ADAMTS20: variants seen among roughly 807,000 people sequenced by gnomAD.
ADAMTS20 encodes ADAM metallopeptidase with thrombospondin type 1 motif 20.
ADAMTS20 carries 225 observed loss-of-function variants against 260.1 expected under a neutral mutation model. The ratio of observed to expected loss-of-function variants is 0.87; its 90% CI spans 0.78 to 0.97. The LOEUF (loss-of-function observed/expected upper bound fraction) is 0.97, where lower values mean the gene tolerates loss of function less well. ADAMTS20 is among the 50% of genes least tolerant of loss of function. The pLI is 0.00. For missense variants in ADAMTS20, 2,400 were observed against 2,337.7 expected (o/e 1.03, Z -0.55); for synonymous variants, 802 against 769.5 (o/e 1.04, Z -0.70).
rs1397580962 is a variant in ADAMTS20, at chr12:43,454,016, C to G, written c.1651G>C (p.Glu551Gln). The G allele has an allele frequency of 1.9e-6, 3 of 1,613,660 alleles. No individual in the cohort carries two copies. The South Asian group carries it at 3.3e-5, about 18-fold the overall frequency. ...RHGLCVNKET[E>Q]TRPVNGEWGP... is the part of the protein sequence containing the mutation. ...CATTCACCATTTACAGGACGTGTTT[C>G]CGTTTCTTTGTTTACACATAGCCCA... is the stretch of plus-strand genomic sequence containing the variant. Residue 551 changes from glutamate (E) to glutamine (Q), a missense_variant, in exon 12 of 39, where the codon GAA becomes CAA. Physicochemically the swap from Glu to Gln is conservative, Grantham distance 29. Coordinates refer to ENST00000389420, the MANE Select transcript of ADAMTS20 (RefSeq NM_025003.5).
At chr12:43,403,964 G>A (rs1276181907) in intron 28 of ADAMTS20, among the ~76,000 whole-genome samples, 4 of 151,838 alleles carry the variant, frequency 2.6e-5, no homozygotes, top group African/African-American at 9.7e-5. Flanking sequence ...TCATCCCCAC[G>A]TATTTTTCAG....
intron 38 of ADAMTS20, among the ~76,000 whole-genome samples, chr12:43,354,652 A>G (rs1939706271): frequency 6.6e-6 from 1 of 152,172 alleles, no homozygotes; most frequent in Non-Finnish European, 1.5e-5. Context: ...ACCTCTCCCA[A>G]TTTGCAATCC....
In ADAMTS20 at chr12:43,500,412, T is replaced by C. The variant is rs1380097785; in HGVS notation, c.867+1740A>G. Among the ~76,000 whole-genome samples, 4 of 152,212 alleles carry C rather than the reference T, an allele frequency of 2.6e-5. No individual in the cohort carries two copies. In the East Asian group the frequency reaches 7.7e-4, roughly 29 times the overall value. ...ATTGTTCCATATAATTGATACAATC[T>C]TGTACATATCAACTGACATCCTCCA... On this transcript the variant is annotated intron_variant, in intron 4 of 38. Coordinates refer to ENST00000389420, the MANE Select transcript of ADAMTS20 (RefSeq NM_025003.5).
At chr12:43,507,122 A>C (rs924973556) in intron 3 of ADAMTS20, among the ~76,000 whole-genome samples, 4 of 152,208 alleles carry the variant, frequency 2.6e-5, no homozygotes, top group African/African-American at 7.2e-5. Context: ...ACACACATAC[A>C]AATTGGTAAC....
intron 3 of ADAMTS20, among the ~76,000 whole-genome samples, chr12:43,509,175 T>C (rs138328531): frequency 6.6e-6 from 1 of 152,222 alleles, no homozygotes. Flanking sequence ...ATTTGTTGAT[T>C]CCATGTCTTT....
chr12:43,387,512 A>T (rs573143450), intron 29 of ADAMTS20, among the ~76,000 whole-genome samples: 1 of 152,278 alleles, frequency 6.6e-6, no homozygotes, highest in Non-Finnish European at 1.5e-5. Context: ...GCAGAGCTCA[A>T]ATGCTGTGCT....
chr12:43,518,901 A>C (rs1444095577), intron 3 of ADAMTS20, among the ~76,000 whole-genome samples: 4 of 151,860 alleles, frequency 2.6e-5, no homozygotes, highest in African/African-American at 9.7e-5. Context: ...CTTGACCATC[A>C]AAATAAACGC....
intron 29 of ADAMTS20, among the ~76,000 whole-genome samples, chr12:43,395,194 G>T (rs1005577845): frequency 6.6e-5 from 10 of 152,026 alleles, no homozygotes; most frequent in African/African-American, 2.4e-4. Context: ...GAAGCAGGAG[G>T]GCATCCTCCC....
In ADAMTS20 at chr12:43,383,862, C is replaced by A. The variant is rs1308764332; in HGVS notation, c.4568G>T (p.Arg1523Met). Residue 1523 changes from arginine to methionine, a missense_variant, in exon 30 of 39, where the codon AGG becomes ATG. Transcript: ENST00000389420. Reference protein sequence around the residue: ...CDQSTRPCSQRRCWSQDCVQH... With the variant: ...CDQSTRPCSQMRCWSQDCVQH... Reference sequence around the variant, plus strand: ...CACACAGTCCTGACTCCAACATCGCCTCTGAGAACAAGGTCGGGTGGACTG... The same window carrying A: ...CACACAGTCCTGACTCCAACATCGCATCTGAGAACAAGGTCGGGTGGACTG... The A allele has an allele frequency of 6.2e-7, 1 of 1,613,970 alleles. No individual in the cohort carries two copies. The highest frequency in any genetic ancestry group is 8.5e-7 in the Non-Finnish European group (1 of 1,179,864).
At chr12:43,499,644 A>C (rs566263097) in intron 4 of ADAMTS20, among the ~76,000 whole-genome samples, 13 of 152,164 alleles carry the variant, frequency 8.5e-5, no homozygotes, top group Non-Finnish European at 1.2e-4. Context: ...AGCTGGGATT[A>C]TAGGCACACG....
At chr12:43,470,650 G>A (rs1017471140) in intron 7 of ADAMTS20, among the ~76,000 whole-genome samples, 1 of 152,148 alleles carries the variant, frequency 6.6e-6, no homozygotes, top group Non-Finnish European at 1.5e-5. Flanking sequence ...GCTGCATACA[G>A]CCACCCAATC....
intron 26 of ADAMTS20, 131 bp from the exon 27 acceptor site, chr12:43,427,600 C>T (rs1021543222): frequency 1.4e-5 from 12 of 857,052 alleles, no homozygotes; most frequent in African/African-American, 1.7e-5. Flanking sequence ...TCATTGGAAT[C>T]ACAATTTGAA....
At chr12:43,424,735 C>A (rs11182065) in intron 28 of ADAMTS20, among the ~76,000 whole-genome samples, 28,303 of 151,742 alleles carry the variant, frequency 0.19, 2,972 homozygotes, top group South Asian at 0.31. Context: ...TATAATAGTC[C>A]TGATTAATTG....
chr12:43,464,793 CT>C, intron 9 of ADAMTS20, 61 bp from the exon 10 acceptor site: 1 of 1,505,816 alleles, frequency 6.6e-7, no homozygotes, highest in Non-Finnish European at 8.9e-7. Context: ...CAGTATGATT[CT>C]TTATCACATT....
intron 4 of ADAMTS20, among the ~76,000 whole-genome samples, chr12:43,499,041 C>G (rs567072177): frequency 6.6e-6 from 1 of 152,102 alleles, no homozygotes; most frequent in Admixed American, 6.5e-5. Flanking sequence ...AAGCACTAAA[C>G]CCAGGTAGCT....
At position 43,452,667 on chromosome 12, in the gene ADAMTS20, C is replaced by T. The variant is rs1187708081; in HGVS notation, c.1789G>A (p.Gly597Ser). 6.2e-7 allele frequency: 1 copy of T among 1,609,990 alleles called. No individual in the cohort carries two copies. The highest frequency in any genetic ancestry group is 1.3e-5 in the African/African-American group (1 of 74,974). Residue 597 changes from glycine to serine, a missense_variant, in exon 13 of 39, where the codon GGC becomes AGC. Physicochemically the swap from Gly to Ser is moderately conservative, Grantham distance 56. Transcript: ENST00000389420. ...EPRNGGNYCV[G>S]RRMKFRSCNT... ...CATGATCGAAATTTCATCCTGCGGCCCACACAGTAATTTCCTCCGTTTCTT... is the reference window on the plus strand; with the variant it reads ...CATGATCGAAATTTCATCCTGCGGCTCACACAGTAATTTCCTCCGTTTCTT...
intron 2 of ADAMTS20, among the ~76,000 whole-genome samples, chr12:43,548,315 A>T (rs150694857): frequency 6.6e-6 from 1 of 152,326 alleles, no homozygotes; most frequent in East Asian, 1.9e-4. Flanking sequence ...TCAAGTACAC[A>T]AGGTGACAAA....
intron 28 of ADAMTS20, among the ~76,000 whole-genome samples, chr12:43,407,666 A>C (rs1360480260): frequency 6.6e-6 from 1 of 152,080 alleles, no homozygotes; most frequent in African/African-American, 2.4e-5. Context: ...GGAACAAGAA[A>C]TCATCCTAGT....
Position 43,440,059 on chromosome 12 carries a change from G to A in ADAMTS20, c.2301C>T (p.Asp767=), listed in dbSNP as rs550143996. 4.5e-6 allele frequency: 7 copies of A among 1,552,950 alleles called. No individual in the cohort carries two copies. The highest frequency in any genetic ancestry group is 1.4e-5 in the African/African-American group (1 of 73,210). The change falls in exon 17 of 39, where the codon GAC becomes GAT. Residue 767 remains aspartate (D), a synonymous_variant. Coordinates refer to ENST00000389420, the MANE Select transcript of ADAMTS20 (RefSeq NM_025003.5). ...CATTGAAAAGAAAATTCCCTTCAGC[G>A]TCAGATAATGCTGTAAAAGAATAAA... The part of the protein sequence containing the change: ...QPDDSYLALS[D]AEGNFLFNGN...
Sources: gnomAD v4.1 joint callset for allele counts (sites outside exome capture counted in the v4.1 genomes callset) on GRCh38, gnomAD v4.1.1 for gene constraint, MANE v1.5 for transcripts, NCBI Gene and HGNC (gene_info 2026-07-23, HGNC 2026-07-21) for gene names.